Variants in ST6GALNAC3 observed in about 807,000 individuals in gnomAD.
ST6GALNAC3 encodes ST6 N-acetylgalactosaminide alpha-2,6-sialyltransferase 3, also known as alpha-N-acetylgalactosaminide alpha-2,6-sialyltransferase 3.
ST6GALNAC3 carries 25 observed loss-of-function variants against 32.7 expected under a neutral mutation model. That is an observed-to-expected ratio of 0.76 (90% CI 0.56 to 1.07). ST6GALNAC3 has a LOEUF of 1.07. Ranked by LOEUF, ST6GALNAC3 falls within the 50% of genes least tolerant of loss-of-function variation. ST6GALNAC3 has a pLI of 0.00. For missense variants in ST6GALNAC3, 355 were observed against 382.4 expected (o/e 0.93, Z 0.60); for synonymous variants, 129 against 133.1 (o/e 0.97, Z 0.21).
At chr1:76,167,976 C>G (rs1487766307) in intron 1 of ST6GALNAC3, among the ~76,000 whole-genome samples, 3 of 151,752 alleles carry the variant, frequency 2.0e-5, no homozygotes, top group African/African-American at 4.8e-5. Flanking sequence ...TTTTTCATGT[C>G]TCAATTTTCT....
chr1:76,251,381 A>T (rs540461683), intron 1 of ST6GALNAC3, among the ~76,000 whole-genome samples: 1 of 152,144 alleles, frequency 6.6e-6, no homozygotes, highest in Non-Finnish European at 1.5e-5. Context: ...CTTTTTTCAC[A>T]CATCTTCAGT....
At chr1:76,375,322 T>C (rs17098859) in intron 2 of ST6GALNAC3, among the ~76,000 whole-genome samples, 6,608 of 152,044 alleles carry the variant, frequency 0.043, 207 homozygotes, top group African/African-American at 0.081. Flanking sequence ...ATAAAAGAGA[T>C]AGCAAGGAAG....
intron 2 of ST6GALNAC3, among the ~76,000 whole-genome samples, chr1:76,352,833 A>C (rs1295281822): frequency 2.6e-5 from 4 of 152,100 alleles, no homozygotes; most frequent in African/African-American, 9.7e-5. Context: ...CAGTTTCTTA[A>C]GTCAAAAACC....
intron 3 of ST6GALNAC3, among the ~76,000 whole-genome samples, chr1:76,538,832 G>C (rs889885090): frequency 1.3e-5 from 2 of 151,990 alleles, no homozygotes; most frequent in African/African-American, 2.4e-5. Context: ...ACCTCATCAA[G>C]GAGAACTACA....
At chr1:76,470,502 C>T (rs1013235438) in intron 3 of ST6GALNAC3, among the ~76,000 whole-genome samples, 1 of 152,040 alleles carries the variant, frequency 6.6e-6, no homozygotes, top group African/African-American at 2.4e-5. Context: ...AGGTGGGTTC[C>T]TTTTCAGTGG....
intron 3 of ST6GALNAC3, among the ~76,000 whole-genome samples, chr1:76,597,445 A>C (rs1647155563): frequency 2.0e-5 from 3 of 152,140 alleles, no homozygotes; most frequent in South Asian, 2.1e-4. Context: ...CTGTGCCCCC[A>C]AAAATTCATA....
At chr1:76,259,835 A>G (rs1658123360) in intron 1 of ST6GALNAC3, among the ~76,000 whole-genome samples, 1 of 152,068 alleles carries the variant, frequency 6.6e-6, no homozygotes, top group African/African-American at 2.4e-5. Flanking sequence ...GTGTTGTCCA[A>G]AAATTTAGAA....
intron 2 of ST6GALNAC3, among the ~76,000 whole-genome samples, chr1:76,352,446 C>G (rs1649059355): frequency 6.7e-6 from 1 of 149,702 alleles, no homozygotes; most frequent in Admixed American, 6.6e-5. Flanking sequence ...CTGTGCCTGT[C>G]CCTCCTGCTT....
chr1:76,583,431 G>A (rs1463578648), intron 3 of ST6GALNAC3, among the ~76,000 whole-genome samples: 2 of 152,172 alleles, frequency 1.3e-5, no homozygotes. Context: ...GTAACAGATG[G>A]TAAAGATCAG....
At chr1:76,226,221 A>G (rs776123867) in intron 1 of ST6GALNAC3, among the ~76,000 whole-genome samples, 1 of 152,178 alleles carries the variant, frequency 6.6e-6, no homozygotes, top group African/African-American at 2.4e-5. Flanking sequence ...TTAATGCTGT[A>G]TGTTTCTTCT....
intron 2 of ST6GALNAC3, among the ~76,000 whole-genome samples, chr1:76,387,914 C>G (rs1454815072): frequency 1.3e-5 from 2 of 152,056 alleles, no homozygotes; most frequent in African/African-American, 2.4e-5. Flanking sequence ...ACAAACAAAG[C>G]TGACAAAACA....
At chr1:76,597,353 T>C (rs775384345) in intron 3 of ST6GALNAC3, among the ~76,000 whole-genome samples, 16 of 152,108 alleles carry the variant, frequency 1.1e-4, no homozygotes, top group Non-Finnish European at 2.4e-4. Flanking sequence ...CCTTCCCTTG[T>C]TAGTGGGATC....
chr1:76,279,746 T>C (rs1210139478), intron 1 of ST6GALNAC3, among the ~76,000 whole-genome samples: 1 of 152,164 alleles, frequency 6.6e-6, no homozygotes, highest in Non-Finnish European at 1.5e-5. Flanking sequence ...GTGACTCCTA[T>C]ACCAGGCACA....
intron 3 of ST6GALNAC3, among the ~76,000 whole-genome samples, chr1:76,560,797 T>C (rs1665200537): frequency 6.6e-6 from 1 of 152,116 alleles, no homozygotes; most frequent in Admixed American, 6.5e-5. Context: ...AAACTAAATA[T>C]AGAGTTACTG....
At chr1:76,336,340 C>T (rs1345951775) in intron 2 of ST6GALNAC3, among the ~76,000 whole-genome samples, 2 of 152,122 alleles carry the variant, frequency 1.3e-5, no homozygotes, top group Non-Finnish European at 2.9e-5. Flanking sequence ...TTCTGGTTTT[C>T]CCCTAATGAT....
intron 1 of ST6GALNAC3, among the ~76,000 whole-genome samples, chr1:76,165,791 T>C (rs1652084360): frequency 6.6e-6 from 1 of 152,240 alleles, no homozygotes; most frequent in South Asian, 2.1e-4. Context: ...TTTTTTCATA[T>C]GATTATTGGC....
intron 3 of ST6GALNAC3, among the ~76,000 whole-genome samples, chr1:76,608,006 C>T (rs1647672316): frequency 6.6e-6 from 1 of 152,148 alleles, no homozygotes; most frequent in South Asian, 2.1e-4. Context: ...CCAATCAGTC[C>T]ACACAAACGG....
At chr1:76,252,755 CT>C (rs902972907) in intron 1 of ST6GALNAC3, among the ~76,000 whole-genome samples, 1 of 152,120 alleles carries the variant, frequency 6.6e-6, no homozygotes, top group Non-Finnish European at 1.5e-5. Context: ...TTAAGAATCT[CT>C]TTTCTGTAAT....
intron 3 of ST6GALNAC3, among the ~76,000 whole-genome samples, chr1:76,469,768 G>C (rs958522218): frequency 6.6e-6 from 1 of 152,062 alleles, no homozygotes; most frequent in African/African-American, 2.4e-5. Context: ...CCAGTTTGTA[G>C]TAAACTTCTA....
Sources: allele counts gnomAD v4.1 joint callset (sites outside exome capture counted in the v4.1 genomes callset), GRCh38; gene constraint gnomAD v4.1.1; transcripts MANE v1.5; gene names NCBI Gene and HGNC (gene_info 2026-07-23, HGNC 2026-07-21).